RCAN2: variants seen among roughly 807,000 people sequenced by gnomAD.
RCAN2 encodes regulator of calcineurin 2.
Under a neutral mutation model 23.6 loss-of-function variants are expected in RCAN2, and 9 were observed. The observed-to-expected ratio is 0.38, with a 90% CI of 0.23 to 0.67. The LOEUF is 0.67. Among genes scored for constraint, RCAN2 ranks in the 30% least tolerant of loss-of-function variants. RCAN2 has a pLI of 0.51. For synonymous variants in RCAN2, 109 were observed against 115.7 expected (o/e 0.94, Z 0.37); for missense variants, 273 against 302.3 (o/e 0.90, Z 0.72).
chr6:46,320,081 T>C (rs867395420), intron 2 of RCAN2, among the ~76,000 whole-genome samples: 18 of 152,344 alleles, frequency 1.2e-4, no homozygotes, highest in Middle Eastern at 3.4e-3. Context: ...GATTAAATCA[T>C]ATACAACTCA....
intron 2 of RCAN2, among the ~76,000 whole-genome samples, chr6:46,330,853 T>G (rs1763944844): frequency 1.3e-5 from 2 of 152,248 alleles, no homozygotes; most frequent in South Asian, 4.1e-4. Flanking sequence ...ACAGTGTAGT[T>G]TAACAGATTT....
chr6:46,387,753 G>A (rs1318733976), intron 2 of RCAN2, among the ~76,000 whole-genome samples: 1 of 152,112 alleles, frequency 6.6e-6, no homozygotes. Context: ...CCATTATTGG[G>A]TATATACCCA....
At chr6:46,271,006 T>C (rs1356018514) in intron 2 of RCAN2, among the ~76,000 whole-genome samples, 1 of 152,228 alleles carries the variant, frequency 6.6e-6, no homozygotes, top group Admixed American at 6.5e-5. Flanking sequence ...AAGTCATGCC[T>C]GGATTCCTGA....
chr6:46,387,251 T>C (rs997137994), intron 2 of RCAN2, among the ~76,000 whole-genome samples: 1 of 152,036 alleles, frequency 6.6e-6, no homozygotes, highest in African/African-American at 2.4e-5. Flanking sequence ...AATTGACAAA[T>C]AGGATCTAAT....
chr6:46,408,119 T>A (rs1766452553), intron 2 of RCAN2, among the ~76,000 whole-genome samples: 1 of 152,184 alleles, frequency 6.6e-6, no homozygotes, highest in Admixed American at 6.5e-5. Context: ...GAATCACGAA[T>A]ATTTTATGTT....
chr6:46,364,120 A>G (rs997263313), intron 2 of RCAN2, among the ~76,000 whole-genome samples: 3 of 152,192 alleles, frequency 2.0e-5, no homozygotes, highest in Non-Finnish European at 2.9e-5. Context: ...AAGACACCCA[A>G]TCATCATTTT....
At chr6:46,407,832 C>T (rs761068274) in intron 2 of RCAN2, among the ~76,000 whole-genome samples, 6 of 152,144 alleles carry the variant, frequency 3.9e-5, no homozygotes, top group Non-Finnish European at 8.8e-5. Context: ...CCTTTAGAAG[C>T]GTGCCTCCAA....
At chr6:46,266,397 T>A (rs935601980) in intron 2 of RCAN2, among the ~76,000 whole-genome samples, 3 of 152,304 alleles carry the variant, frequency 2.0e-5, no homozygotes, top group East Asian at 1.9e-4. Flanking sequence ...TTATTTTGAC[T>A]GAGTTTTCTC....
intron 2 of RCAN2, among the ~76,000 whole-genome samples, chr6:46,409,728 A>C (rs1429686379): frequency 6.6e-6 from 1 of 152,256 alleles, no homozygotes; most frequent in African/African-American, 2.4e-5. Context: ...TTTTCTGTAC[A>C]TAAACGTTCA....
chr6:46,468,062 G>A (rs1399310545), intron 1 of RCAN2, among the ~76,000 whole-genome samples: 1 of 152,236 alleles, frequency 6.6e-6, no homozygotes, highest in Admixed American at 6.5e-5. Flanking sequence ...ACTACTGAGA[G>A]GTCCAAATGA....
chr6:46,449,174 T>C (rs977628233), intron 2 of RCAN2, among the ~76,000 whole-genome samples: 8 of 151,768 alleles, frequency 5.3e-5, no homozygotes, highest in African/African-American at 1.4e-4. Flanking sequence ...AGCATTTCTA[T>C]ATACTAACAA....
intron 2 of RCAN2, among the ~76,000 whole-genome samples, chr6:46,265,246 G>A (rs990019228): frequency 6.6e-6 from 1 of 152,146 alleles, no homozygotes; most frequent in African/African-American, 2.4e-5. Context: ...AAATTGGATC[G>A]TATTGATGAA....
At chr6:46,341,649 A>ATT (rs1561866796) in intron 2 of RCAN2, among the ~76,000 whole-genome samples, 3 of 151,626 alleles carry the variant, frequency 2.0e-5, no homozygotes, top group African/African-American at 4.8e-5. Context: ...AATACAAAAA[A>ATT]TAGCCAGGCA....
chr6:46,305,256 G>T (rs78396427), intron 2 of RCAN2, among the ~76,000 whole-genome samples: 2,386 of 152,196 alleles, frequency 0.016, 63 homozygotes, highest in African/African-American at 0.054. Flanking sequence ...CATGGTGGCT[G>T]GGAGCTAATG....
chr6:46,479,360 T>C (rs1768794988), intron 1 of RCAN2, among the ~76,000 whole-genome samples: 1 of 152,172 alleles, frequency 6.6e-6, no homozygotes, highest in Non-Finnish European at 1.5e-5. Flanking sequence ...TAGTTTCAGC[T>C]CCTCTAAAAT....
chr6:46,243,539 G>C (rs1056027133), intron 4 of RCAN2, among the ~76,000 whole-genome samples: 1 of 152,056 alleles, frequency 6.6e-6, no homozygotes, highest in Non-Finnish European at 1.5e-5. Context: ...GGCCTAGCGC[G>C]GTGGCTCATG....
At chr6:46,359,696 C>A (rs535516386) in intron 2 of RCAN2, among the ~76,000 whole-genome samples, 1 of 152,084 alleles carries the variant, frequency 6.6e-6, no homozygotes, top group Non-Finnish European at 1.5e-5. Context: ...AAAAGACAAC[C>A]ATTAAGAACG....
chr6:46,454,316 C>A (rs1195551508), intron 2 of RCAN2, among the ~76,000 whole-genome samples: 4 of 152,140 alleles, frequency 2.6e-5, no homozygotes, highest in African/African-American at 9.7e-5. Context: ...ATATGAATTT[C>A]TGGGTCTGGA....
At chr6:46,425,291 G>T (rs1407879053) in intron 2 of RCAN2, among the ~76,000 whole-genome samples, 3 of 152,204 alleles carry the variant, frequency 2.0e-5, no homozygotes, top group East Asian at 1.9e-4. Context: ...ATGCACAAAA[G>T]CTCATTCCAT....
Sources: allele counts gnomAD v4.1 joint callset (sites outside exome capture counted in the v4.1 genomes callset), GRCh38; gene constraint gnomAD v4.1.1; transcripts MANE v1.5; gene names NCBI Gene and HGNC (gene_info 2026-07-23, HGNC 2026-07-21).